Variants in PEBP4 observed in about 807,000 individuals in gnomAD.
PEBP4 encodes phosphatidylethanolamine binding protein 4, also known as phosphatidylethanolamine-binding protein 4.
PEBP4 carries 22 observed loss-of-function variants against 23.9 expected under a neutral mutation model. The ratio of observed to expected loss-of-function variants is 0.92; its 90% confidence interval spans 0.66 to 1.31. The LOEUF (loss-of-function observed/expected upper bound fraction) is 1.31. PEBP4 is among the 40% of genes most tolerant of loss of function. The pLI, the probability that PEBP4 is intolerant of heterozygous loss-of-function variation, is 0.00. For missense variants in PEBP4, 324 were observed against 281.7 expected (o/e 1.15, Z -1.07); for synonymous variants, 112 against 99.3 (o/e 1.13, Z -0.76).
At chr8:22,821,563 C>T (rs947889704) in intron 3 of PEBP4, among the ~76,000 whole-genome samples, 3 of 152,226 alleles carry the variant, frequency 2.0e-5, no homozygotes, top group Non-Finnish European at 2.9e-5. Context: ...ATGAAGTTAG[C>T]GCTCTCTCAA....
chr8:22,923,761 C>A (rs1041272197), intron 2 of PEBP4, among the ~76,000 whole-genome samples: 1 of 152,108 alleles, frequency 6.6e-6, no homozygotes, highest in African/African-American at 2.4e-5. Context: ...ATAAAAGGCA[C>A]CCTCATAAGA....
At chr8:22,767,372 C>T (rs1356478466) in intron 4 of PEBP4, among the ~76,000 whole-genome samples, 1 of 152,198 alleles carries the variant, frequency 6.6e-6, no homozygotes, top group Non-Finnish European at 1.5e-5. Context: ...ATAATCCCCC[C>T]CACCAATTTT....
chr8:22,904,734 C>A (rs996574764), intron 3 of PEBP4, among the ~76,000 whole-genome samples: 2 of 152,118 alleles, frequency 1.3e-5, no homozygotes, highest in African/African-American at 4.8e-5. Flanking sequence ...TGTTAAATGG[C>A]TATTTTATCA....
At chr8:22,728,508 C>G (rs1245812961) in intron 4 of PEBP4, among the ~76,000 whole-genome samples, 1 of 152,070 alleles carries the variant, frequency 6.6e-6, no homozygotes, top group Non-Finnish European at 1.5e-5. Flanking sequence ...TTCCTTCCTT[C>G]CTTCATTCCT....
intron 4 of PEBP4, among the ~76,000 whole-genome samples, chr8:22,768,864 A>C (rs1805661459): frequency 6.6e-6 from 1 of 152,148 alleles, no homozygotes; most frequent in East Asian, 1.9e-4. Flanking sequence ...CTAGAGGCCG[A>C]AGGAACCGCC....
At chr8:22,768,049 T>C (rs1351028391) in intron 4 of PEBP4, among the ~76,000 whole-genome samples, 5 of 152,220 alleles carry the variant, frequency 3.3e-5, no homozygotes, top group African/African-American at 9.6e-5. Context: ...AATGTTTTTT[T>C]GAAAAGTACC....
intron 3 of PEBP4, among the ~76,000 whole-genome samples, chr8:22,894,559 G>A (rs1808556045): frequency 6.6e-6 from 1 of 152,118 alleles, no homozygotes. Flanking sequence ...TCCAGCTTGG[G>A]CAACAGAGTG....
chr8:22,855,298 G>A (rs1807622661), intron 3 of PEBP4, among the ~76,000 whole-genome samples: 1 of 152,172 alleles, frequency 6.6e-6, no homozygotes, highest in Non-Finnish European at 1.5e-5. Context: ...CTGGGAGAGG[G>A]ATGCTTGGGA....
intron 4 of PEBP4, among the ~76,000 whole-genome samples, chr8:22,759,787 C>T (rs1805469495): frequency 6.6e-6 from 1 of 152,238 alleles, no homozygotes; most frequent in Non-Finnish European, 1.5e-5. Flanking sequence ...CGTGCCGTCT[C>T]ATGGCTGGTT....
intron 4 of PEBP4, among the ~76,000 whole-genome samples, chr8:22,804,408 C>T (rs1806451521): frequency 6.6e-6 from 1 of 152,156 alleles, no homozygotes; most frequent in African/African-American, 2.4e-5. Context: ...AGACTCCTTG[C>T]CCAGGCCTGG....
chr8:22,715,454 C>T (rs554098494), intron 6 of PEBP4, among the ~76,000 whole-genome samples: 8 of 152,262 alleles, frequency 5.3e-5, no homozygotes, highest in South Asian at 2.1e-4. Context: ...CAGGGTAATA[C>T]GGGCTTATGG....
chr8:22,892,147 G>A (rs886513316), intron 3 of PEBP4, among the ~76,000 whole-genome samples: 2 of 151,942 alleles, frequency 1.3e-5, no homozygotes, highest in East Asian at 1.9e-4. Context: ...GTCAACTTGT[G>A]AGAAATAAAA....
intron 4 of PEBP4, among the ~76,000 whole-genome samples, chr8:22,748,597 G>T (rs530432557): frequency 6.6e-6 from 1 of 151,730 alleles, no homozygotes; most frequent in South Asian, 2.1e-4. Flanking sequence ...CATGATGAGG[G>T]TGGTCTGAGG....
chr8:22,717,184 G>C (rs1007231030), intron 6 of PEBP4, among the ~76,000 whole-genome samples: 1 of 152,112 alleles, frequency 6.6e-6, no homozygotes, highest in African/African-American at 2.4e-5. Context: ...ACAGTTGTGT[G>C]CTACCACACC....
chr8:22,877,154 A>G (rs539285756), intron 3 of PEBP4, among the ~76,000 whole-genome samples: 2 of 152,322 alleles, frequency 1.3e-5, no homozygotes, highest in African/African-American at 4.8e-5. Flanking sequence ...CTGAATGGGA[A>G]TCCTCAAACA....
At chr8:22,755,281 G>A (rs1348307746) in intron 4 of PEBP4, among the ~76,000 whole-genome samples, 3 of 148,464 alleles carry the variant, frequency 2.0e-5, no homozygotes, top group African/African-American at 7.5e-5. Flanking sequence ...AAGAGCTGAA[G>A]TTCCCAGGGC....
In PEBP4 at chr8:22,871,759, G is replaced by A. The variant is rs536246733; in HGVS notation, c.258+48425C>T. Among the ~76,000 whole-genome samples the A allele has an allele frequency of 1.9e-3, 295 of 151,824 alleles. 2 individuals carry two copies. Among genetic ancestry groups the A allele is most frequent in the South Asian group, 8.8e-3 (42 of 4,788 alleles). On this transcript the variant is annotated intron_variant, in intron 3 of 6. Transcript: ENST00000256404. ...TAGTAGAGATGGTTTTCACTATGTT[G>A]GCCAGGATGGTGTTGATCTCCTGAC...
At chr8:22,785,192 G>A (rs1348273608) in intron 4 of PEBP4, among the ~76,000 whole-genome samples, 1 of 152,152 alleles carries the variant, frequency 6.6e-6, no homozygotes, top group African/African-American at 2.4e-5. Flanking sequence ...GCAAATGAGG[G>A]GAAGCTAGGA....
intron 2 of PEBP4, among the ~76,000 whole-genome samples, chr8:22,925,717 T>C (rs1199989613): frequency 6.6e-6 from 1 of 152,140 alleles, no homozygotes; most frequent in East Asian, 1.9e-4. Context: ...TTTCCCACAG[T>C]GTGGGAAACA....
Sources: allele counts gnomAD v4.1 joint callset (sites outside exome capture counted in the v4.1 genomes callset), GRCh38; gene constraint gnomAD v4.1.1; transcripts MANE v1.5; gene names NCBI Gene and HGNC (gene_info 2026-07-23, HGNC 2026-07-21).